Variants in EVC2 observed in about 807,000 individuals in gnomAD.
EVC2 encodes the protein EvC ciliary complex subunit 2.
In EVC2, 148 loss-of-function variants were observed where a neutral mutation model predicts 149.3. The observed-to-expected ratio is 0.99, with a 90% confidence interval of 0.87 to 1.14. EVC2 has a LOEUF of 1.14. Among genes scored for constraint, EVC2 ranks in the 50% most tolerant of loss-of-function variants. EVC2 has a pLI of 0.00. For synonymous variants in EVC2, 776 were observed against 649.9 expected, an observed-to-expected ratio of 1.19 and a Z score of -2.95; for missense variants, 1,854 against 1,627.3, an observed-to-expected ratio of 1.14 and a Z score of -2.40.
In EVC2 at chr4:5,613,203, C is replaced by T. The variant is rs1157855689; in HGVS notation, c.2829+2219G>A. 3.9e-5 allele frequency among the ~76,000 whole-genome samples: 6 copies of T among 152,076 alleles called. No individual in the cohort carries two copies. Among genetic ancestry groups the T allele is most frequent in the Non-Finnish European group, 8.8e-5 (6 of 68,022 alleles). On this transcript the variant is annotated intron_variant, in intron 16 of 21. Coordinates refer to ENST00000344408, the MANE Select transcript of EVC2 (RefSeq NM_147127.5). This position sits in a 1 kb window ranked among gnomAD's most constrained non-coding sequence, Gnocchi z 4.6. ...GCAGGTTCCTCCACGGGGCTGCTCC[C>T]CCATCCACTGGCCATGACCCAGCAC...
chr4:5,640,764 A>G lies in EVC2; in HGVS notation c.1220T>C (p.Ile407Thr), dbSNP rs1480693419. Residue 407 changes from isoleucine (I) to threonine (T), a missense_variant, in exon 10 of 22, where the codon ATT (isoleucine) becomes ACT (threonine). By Grantham distance (89) the Ile-to-Thr change is moderately conservative (BLOSUM62 -1). Transcript: ENST00000344408. The surrounding 1 kb of genome is among the most constrained non-coding windows in gnomAD (Gnocchi z 4.6). ...GGTGAGATTTTTCAGCAGAAGGGCA[A>G]TGATATCCTTGCTGATTTGTGTTCG... ...ACRTQISKDIIALLLKNLTSS... is the reference protein window; with the variant it reads ...ACRTQISKDITALLLKNLTSS... The G allele has an allele frequency of 6.2e-7, 1 of 1,614,208 alleles. No homozygotes were observed.
At chr4:5,561,173 C>T (rs1721940490), downstream of EVC2, among the ~76,000 whole-genome samples, 1 of 152,182 alleles carries the variant, frequency 6.6e-6, no homozygotes, top group Non-Finnish European at 1.5e-5. Flanking sequence ...AGGAAATTAT[C>T]AGAAATGCAG....
At chr4:5,624,123 G>T (rs929850172) in intron 13 of EVC2, among the ~76,000 whole-genome samples, 1 of 152,136 alleles carries the variant, frequency 6.6e-6, no homozygotes, top group African/African-American at 2.4e-5. Flanking sequence ...ATCTGAATCA[G>T]GTTAAGAAAT....
downstream of EVC2, among the ~76,000 whole-genome samples, chr4:5,540,693 C>A (rs1032969276): frequency 6.6e-6 from 1 of 152,076 alleles, no homozygotes; most frequent in Admixed American, 6.5e-5. Context: ...CCAAGGGCCA[C>A]AAGGAAATTT....
intron 1 of EVC2, chr4:5,707,996 G>A (rs572183679): frequency 1.0e-5 from 3 of 287,422 alleles, no homozygotes; most frequent in Admixed American, 5.3e-5. Flanking sequence ...TGGGGCACAG[G>A]AGTGAACTGC....
downstream of EVC2, among the ~76,000 whole-genome samples, chr4:5,541,339 C>T (rs139473939): frequency 6.6e-6 from 1 of 152,246 alleles, no homozygotes; most frequent in African/African-American, 2.4e-5. Context: ...CAATAAACAC[C>T]CATCAGATCA....
intron 22 of EVC2, chr4:5,543,043 T>C (rs1156935559): frequency 3.8e-5 from 33 of 878,338 alleles, no homozygotes; most frequent in African/African-American, 5.2e-5. Flanking sequence ...TTTTCTGACT[T>C]ACTATTACGC....
At chr4:5,675,673 G>C (rs35450365) in intron 7 of EVC2, among the ~76,000 whole-genome samples, 1 of 151,934 alleles carries the variant, frequency 6.6e-6, no homozygotes, top group African/African-American at 2.4e-5. Flanking sequence ...GCCTGGGTGC[G>C]GTGGCTCATG....
At chr4:5,681,359 T>C (rs1241754840) in intron 6 of EVC2, 46 bp from the exon 7 acceptor site, 6 of 1,599,930 alleles carry the variant, frequency 3.8e-6, no homozygotes, top group Non-Finnish European at 5.1e-6. Context: ...GTTTGGGGTC[T>C]GACACGTGGG....
In EVC2 at chr4:5,625,718, C is replaced by A; in HGVS notation, c.2046+31G>T. 1 of 1,613,866 alleles carries A rather than the reference C, an allele frequency of 6.2e-7. No individual in the cohort carries two copies. Among genetic ancestry groups the A allele is most frequent in the Non-Finnish European group, 8.5e-7 (1 of 1,179,982 alleles). On this transcript the variant is annotated intron_variant, in intron 13 of 21. Coordinates refer to ENST00000344408, the MANE Select transcript of EVC2 (RefSeq NM_147127.5). The surrounding 1 kb of genome is among the most constrained non-coding windows in gnomAD (Gnocchi z 4.0). ...TGATGGGTATCAGAAAGTGCCTATG[C>A]AAAGAATAAATAGCATCATGCCTTA...
chr4:5,577,073 T>C (rs944247274), intron 17 of EVC2, among the ~76,000 whole-genome samples: 2 of 152,230 alleles, frequency 1.3e-5, no homozygotes, highest in African/African-American at 4.8e-5. Context: ...CTGTGTACTT[T>C]CCATACGTGA....
chr4:5,547,581 G>A (rs11723177), intron 21 of EVC2, among the ~76,000 whole-genome samples: 70,844 of 152,078 alleles, frequency 0.47, 20,301 homozygotes, highest in Non-Finnish European at 0.65. Flanking sequence ...ACAAGCCCCA[G>A]GTTCAGCCAA....
At chr4:5,580,250 G>C (rs1711633887) in intron 17 of EVC2, among the ~76,000 whole-genome samples, 1 of 152,190 alleles carries the variant, frequency 6.6e-6, no homozygotes, top group Non-Finnish European at 1.5e-5. Flanking sequence ...AAAACAACAG[G>C]CTTGTCTTCA....
At chr4:5,697,528 A>T (rs1721558441) in intron 2 of EVC2, 65 bp downstream of exon 2, 1 of 1,508,418 alleles carries the variant, frequency 6.6e-7, no homozygotes, top group Non-Finnish European at 9.2e-7. Context: ...TGGAGGAAGG[A>T]GGGCTTCAGG....
chr4:5,622,923 C>T lies in EVC2; in HGVS notation c.2115G>A (p.Gln705=). 6.2e-7 allele frequency: 1 copy of T among 1,614,182 alleles called. No individual in the cohort carries two copies. The highest frequency in any genetic ancestry group is 8.5e-7 in the Non-Finnish European group (1 of 1,180,042). Residue 705 remains glutamine (Q), a synonymous_variant, in exon 14 of 22, where the codon CAG becomes CAA. Transcript: ENST00000344408. This position sits in a 1 kb window ranked among gnomAD's most constrained non-coding sequence, Gnocchi z 5.8. The part of the protein sequence containing the change: ...EAFRTVEDAG[Q]YLHQKRSLME... ...TCAGGCTCCTCTTCTGGTGCAGGTA[C>T]TGGCCGGCATCCTCAACCGTTCGGA...
intron 21 of EVC2, among the ~76,000 whole-genome samples, chr4:5,550,755 G>C (rs1721720623): frequency 6.6e-6 from 1 of 152,214 alleles, no homozygotes. Context: ...TACCATCACA[G>C]GCCTGGAGGC....
chr4:5,676,208 A>T (rs1434734353), intron 7 of EVC2, among the ~76,000 whole-genome samples: 2 of 152,306 alleles, frequency 1.3e-5, no homozygotes, highest in East Asian at 3.9e-4. Context: ...ACTCTCATCC[A>T]GGAGACAGAA....
the EVC2 span, among the ~76,000 whole-genome samples, chr4:5,537,275 C>T: frequency 1.3e-5 from 2 of 152,180 alleles, no homozygotes; most frequent in Non-Finnish European, 2.9e-5. Context: ...AGAGCCAGAA[C>T]ACTGGAATCT....
At chr4:5,634,909 G>A (rs530509993) in intron 10 of EVC2, among the ~76,000 whole-genome samples, 4 of 151,964 alleles carry the variant, frequency 2.6e-5, no homozygotes, top group South Asian at 4.2e-4. Flanking sequence ...CCTCCACCCC[G>A]TCCACCAAAG....
Sources: allele counts gnomAD v4.1 joint callset (sites outside exome capture counted in the v4.1 genomes callset), GRCh38; gene constraint gnomAD v4.1.1; non-coding constraint Gnocchi (gnomAD v3.1); transcripts MANE v1.5; gene names NCBI Gene and HGNC (gene_info 2026-07-23, HGNC 2026-07-21).